The following ADGB variants were observed in gnomAD, a reference collection of about 807,000 sequenced individuals.
ADGB encodes the protein androglobin, also known as calpain-7-like protein.
A neutral mutation model predicts 210.5 loss-of-function variants in ADGB; 172 were observed. The ratio of observed to expected loss-of-function variants is 0.82; its 90% CI spans 0.72 to 0.93. The LOEUF (loss-of-function observed/expected upper bound fraction) is 0.93. ADGB is among the 40% of genes least tolerant of loss of function. The pLI, the probability that ADGB is intolerant of heterozygous loss-of-function variation, is 0.00. For synonymous variants in ADGB, 658 were observed against 662.7 expected, an observed-to-expected ratio of 0.99 and a Z score of 0.11; for missense variants, 2,025 against 1,964.8, an observed-to-expected ratio of 1.03 and a Z score of -0.58.
chr6:146,610,049 A>G (rs1331119736), intron 1 of ADGB, among the ~76,000 whole-genome samples: 1 of 151,754 alleles, frequency 6.6e-6, no homozygotes, highest in African/African-American at 2.4e-5. Context: ...TTGAATGTCA[A>G]CCTCTCTATT....
In ADGB at chr6:146,727,209, C is replaced by A. The variant is rs375417135; in HGVS notation, c.2352+1012C>A. ...AAAAAAAAATTCCAAATAGCACAAC[C>A]TTGTATTGATGGGATTCTCTAAGCC... On this transcript the variant is annotated intron_variant, in intron 19 of 35. Transcript: ENST00000397944. Among the ~76,000 whole-genome samples, 21 of 151,970 alleles carry A rather than the reference C, an allele frequency of 1.4e-4. No homozygotes were observed. In the East Asian group the frequency reaches 2.7e-3, roughly 20 times the overall value.
At chr6:146,610,644 T>C (rs1780694002) in intron 1 of ADGB, among the ~76,000 whole-genome samples, 1 of 152,204 alleles carries the variant, frequency 6.6e-6, no homozygotes, top group South Asian at 2.1e-4. Context: ...CTGTATGCTC[T>C]AACCCTGGGT....
At chr6:146,729,153 T>C (rs1327668) in intron 20 of ADGB, among the ~76,000 whole-genome samples, 77,420 of 151,982 alleles carry the variant, frequency 0.51, 20,924 homozygotes, top group African/African-American at 0.69. Context: ...AGCAGCATTC[T>C]AGCTTCACAG....
chr6:146,728,878 A>C, intron 20 of ADGB, 137 bp downstream of exon 20: 1 of 725,256 alleles, frequency 1.4e-6, no homozygotes, highest in South Asian at 2.9e-5. Flanking sequence ...AAGTGATTTC[A>C]GAAAGCAGAA....
At chr6:146,664,179 A>C (rs1445935755) in intron 5 of ADGB, 22 bp from the exon 6 acceptor site, 1 of 1,537,470 alleles carries the variant, frequency 6.5e-7, no homozygotes, top group Admixed American at 2.0e-5. Context: ...ATGGTATTAC[A>C]TTTCTTTCAT....
intron 2 of ADGB, among the ~76,000 whole-genome samples, chr6:146,641,588 A>G (rs1188713843): frequency 3.3e-5 from 5 of 151,988 alleles, no homozygotes; most frequent in Non-Finnish European, 7.4e-5. Context: ...TAGAGAGCCC[A>G]TAAGTAAGAC....
Position 146,715,843 on chromosome 6 carries a change from G to A in ADGB, c.1741+428G>A, listed in dbSNP as rs374374504. Among the ~76,000 whole-genome samples the A allele has an allele frequency of 5.9e-5, 9 of 152,064 alleles. No homozygotes were observed. The East Asian group carries it at 1.2e-3, about 20-fold the overall frequency. ...TCAGCACTTTGGGAGGCTGAGGCGG[G>A]CAGATCACGAAGTCAGTAGATCGAG... On this transcript the variant is annotated intron_variant, in intron 14 of 35. Coordinates refer to ENST00000397944, the MANE Select transcript of ADGB (RefSeq NM_024694.4).
In ADGB at chr6:146,801,951, T is replaced by G. The variant is rs1363577218; in HGVS notation, c.4758T>G (p.Ile1586Met). 1 of 1,550,702 alleles carries G rather than the reference T, an allele frequency of 6.4e-7. No homozygotes were observed. The highest frequency in any genetic ancestry group is 1.2e-5 in the South Asian group (1 of 83,810). ...CCAGAGTCCTTAGCATTCGAAACAT[T>G]GACCAAGAAGAGCGGTTGAAGTTAA... ...HRTRVLSIRN[I>M]DQEERLKLKD... Residue 1586 changes from isoleucine to methionine, a missense_variant, in exon 35 of 36, where the codon ATT (isoleucine) becomes ATG (methionine). Physicochemically the swap from Ile to Met is conservative, Grantham distance 10. Coordinates refer to ENST00000397944, the MANE Select transcript of ADGB (RefSeq NM_024694.4).
chr6:146,808,871 G>GC (rs1562307518), intron 35 of ADGB, among the ~76,000 whole-genome samples: 2 of 151,412 alleles, frequency 1.3e-5, no homozygotes, highest in African/African-American at 4.9e-5. Flanking sequence ...GGTCGTGGGG[G>GC]TGACAAAGTC....
chr6:146,776,475 T>A (rs1017058533), intron 29 of ADGB, among the ~76,000 whole-genome samples: 6 of 152,160 alleles, frequency 3.9e-5, no homozygotes, highest in Admixed American at 3.9e-4. Context: ...GAGAAAAGGT[T>A]ACCCTAAATT....
chr6:146,681,100 ATAT>A (rs1562272897), intron 9 of ADGB, among the ~76,000 whole-genome samples: 18 of 152,280 alleles, frequency 1.2e-4, no homozygotes, highest in East Asian at 7.7e-4. Flanking sequence ...AAAGTCCAGG[ATAT>A]ATTTTGGATA....
At chr6:146,691,458 A>T (rs1264617541) in intron 11 of ADGB, among the ~76,000 whole-genome samples, 168 bp downstream of exon 11, 1 of 45,698 alleles carries the variant, frequency 2.2e-5, no homozygotes, top group African/African-American at 2.7e-4. Flanking sequence ...ATATATATAT[A>T]AAAATATATA....
intron 1 of ADGB, among the ~76,000 whole-genome samples, chr6:146,608,235 C>T (rs1345474720): frequency 6.6e-6 from 1 of 151,378 alleles, no homozygotes; most frequent in Non-Finnish European, 1.5e-5. Context: ...TTTTGTATTT[C>T]TGCAGAGCCA....
rs745387708 is a variant in ADGB, at chr6:146,745,921, G to A, written c.3178-1G>A. On this transcript the variant is annotated splice_acceptor_variant, in intron 25 of 35. Transcript: ENST00000397944. LOFTEE classifies it high-confidence loss of function. The stretch of plus-strand genomic sequence containing the variant: ...TTCTGTGTAATTTGTCTTTCTTATA[G>A]AAGGGATACACTTTTGTGGCGGAAG... 3 of 1,537,718 alleles carry A rather than the reference G, an allele frequency of 2.0e-6. No individual in the cohort carries two copies. The African/African-American group carries it at 4.1e-5, about 21-fold the overall frequency.
intron 10 of ADGB, among the ~76,000 whole-genome samples, chr6:146,690,387 C>A (rs957026700): frequency 1.2e-4 from 19 of 152,148 alleles, no homozygotes; most frequent in Non-Finnish European, 1.0e-4. Flanking sequence ...ATTTATTTTA[C>A]TTTAAATGTT....
intron 7 of ADGB, among the ~76,000 whole-genome samples, chr6:146,667,809 C>T (rs746275046): frequency 7.5e-4 from 114 of 151,944 alleles, no homozygotes; most frequent in Non-Finnish European, 1.4e-3. Context: ...TATTACTTCT[C>T]GTTTAAAAAT....
chr6:146,759,301 T>C (rs1429053078), intron 27 of ADGB, among the ~76,000 whole-genome samples: 1 of 151,854 alleles, frequency 6.6e-6, no homozygotes, highest in African/African-American at 2.4e-5. Flanking sequence ...CTGTATCATA[T>C]CATAGGAATT....
intron 25 of ADGB, among the ~76,000 whole-genome samples, chr6:146,745,280 AT>A (rs908289320): frequency 7.9e-5 from 12 of 152,130 alleles, no homozygotes; most frequent in African/African-American, 2.9e-4. Flanking sequence ...ATTTGCATCT[AT>A]TATGATATCA....
In ADGB at chr6:146,604,691, A is replaced by G. The variant is rs1424233242; in HGVS notation, c.74+5577A>G. 3.9e-5 allele frequency among the ~76,000 whole-genome samples: 6 copies of G among 152,300 alleles called. No homozygotes were observed. The South Asian group carries it at 6.2e-4, about 16-fold the overall frequency. On this transcript the variant is annotated intron_variant, in intron 1 of 35. Coordinates refer to ENST00000397944, the MANE Select transcript of ADGB (RefSeq NM_024694.4). The stretch of plus-strand genomic sequence containing the variant: ...TGAAGTCACTGGTAGGCCCCAGATA[A>G]TAAGGAATTCTGAAACATGATGCTT...
Sources: allele counts gnomAD v4.1 joint callset (sites outside exome capture counted in the v4.1 genomes callset), GRCh38; gene constraint gnomAD v4.1.1; transcripts MANE v1.5; gene names NCBI Gene and HGNC (gene_info 2026-07-23, HGNC 2026-07-21).